TICRR: variants seen among roughly 807,000 people sequenced by gnomAD.
TICRR encodes the protein treslin.
TICRR carries 132 observed loss-of-function variants against 178.1 expected under a neutral mutation model. That is an observed-to-expected ratio of 0.74 (90% CI 0.64 to 0.86). TICRR has a LOEUF of 0.86. Among genes scored for constraint, TICRR ranks in the 40% least tolerant of loss-of-function variants. The probability of loss-of-function intolerance (pLI) is 0.00; values close to 1 mark genes in which losing one functional copy is unlikely to be tolerated. For missense variants in TICRR, 2,587 were observed against 2,334.3 expected (o/e 1.11, Z -2.23); for synonymous variants, 991 against 900.7 (o/e 1.10, Z -1.79).
chr15:89,582,986 GGT>G (rs1491393973), intron 2 of TICRR, 21 bp downstream of exon 2: 2 of 1,556,320 alleles, frequency 1.3e-6, no homozygotes, highest in Admixed American at 4.2e-5. Flanking sequence ...AATATTTTAA[GGT>G]TTTTTTTTTT....
intron 8 of TICRR, 61 bp downstream of exon 8, chr15:89,599,536 G>C: frequency 6.5e-7 from 1 of 1,542,312 alleles, no homozygotes; most frequent in Non-Finnish European, 8.8e-7. Flanking sequence ...TTGGTTGGTG[G>C]TGGATTTGGT....
chr15:89,625,480 G>C lies in TICRR; in HGVS notation c.5170G>C (p.Gly1724Arg). The C allele has an allele frequency of 6.2e-7, 1 of 1,613,982 alleles. No individual in the cohort carries two copies. The highest frequency in any genetic ancestry group is 8.5e-7 in the Non-Finnish European group (1 of 1,180,020). The change falls in exon 20 of 22, where the codon GGC (glycine) becomes CGC (arginine). Residue 1724 changes from glycine to arginine, a missense_variant. By Grantham distance (125) the Gly-to-Arg change is moderately radical. Coordinates refer to ENST00000268138, the MANE Select transcript of TICRR (RefSeq NM_152259.4). ...GCTTGAGTCAGAGGGCAAGGACCAC[G>C]GCCTTGAACTCAGCATCCACAGGAC... ...SLLESEGKDH[G>R]LELSIHRTPI...
Position 89,600,697 on chromosome 15 carries a change from C to A in TICRR, c.2153+12C>A, listed in dbSNP as rs759581915. The A allele has an allele frequency of 7.6e-7, 1 of 1,313,114 alleles. No homozygotes were observed. Among genetic ancestry groups the A allele is most frequent in the South Asian group, 1.3e-5 (1 of 76,338 alleles). 81.3% of individuals were successfully genotyped at this position (1,313,114 alleles called of 1,614,324 possible). On this transcript the variant is annotated intron_variant, in intron 9 of 21. Transcript: ENST00000268138. The stretch of plus-strand genomic sequence containing the variant: ...GACAAAGTTAGAGAGTAAGTAACTA[C>A]CATTTTTTAAAAAATCATCACTCTA...
chr15:89,610,531 A>C (rs376613905), intron 15 of TICRR, among the ~76,000 whole-genome samples: 1 of 152,182 alleles, frequency 6.6e-6, no homozygotes, highest in Non-Finnish European at 1.5e-5. Context: ...CCCACCCACC[A>C]GCTCTTTTGC....
chr15:89,598,943 G>T (rs561625022), intron 7 of TICRR, among the ~76,000 whole-genome samples: 1 of 152,260 alleles, frequency 6.6e-6, no homozygotes, highest in South Asian at 2.1e-4. Flanking sequence ...CCTGGGAGGT[G>T]GAGGTTGTGG....
chr15:89,621,313 G>A, intron 18 of TICRR, 80 bp from the exon 19 acceptor site: 1 of 1,422,466 alleles, frequency 7.0e-7, no homozygotes, highest in South Asian at 1.4e-5. Flanking sequence ...GAGCCACCAT[G>A]CGTGGCTGGC....
chr15:89,598,316 C>G (rs941387699), intron 7 of TICRR, among the ~76,000 whole-genome samples: 3 of 151,970 alleles, frequency 2.0e-5, no homozygotes, highest in African/African-American at 7.2e-5. Context: ...ATTTTCTAAT[C>G]ATGTCATATC....
Position 89,626,967 on chromosome 15 carries a change from G to T in TICRR, c.5614G>T (p.Asp1872Tyr), listed in dbSNP as rs775210281. 3.7e-6 allele frequency: 6 copies of T among 1,613,914 alleles called. No individual in the cohort carries two copies. In the East Asian group the frequency reaches 1.3e-4, roughly 36 times the overall value. ...QSKDPRDEDV[D>Y]VLPSTVEDSP... ...CTACCTTCTTCTAGATGAGGATGTG[G>T]ATGTTCTTCCCTCCACTGTAGAAGA... Residue 1872 changes from aspartate to tyrosine, a missense_variant, in exon 22 of 22, where the codon GAT (aspartate) becomes TAT (tyrosine). Transcript: ENST00000268138.
At chr15:89,618,747 C>G (rs934346690) in intron 17 of TICRR, among the ~76,000 whole-genome samples, 3 of 152,086 alleles carry the variant, frequency 2.0e-5, no homozygotes, top group African/African-American at 7.2e-5. Context: ...GATCACTGGC[C>G]AGGAGTTTGA....
chr15:89,583,972 G>A (rs1962775201), intron 2 of TICRR, among the ~76,000 whole-genome samples: 1 of 152,172 alleles, frequency 6.6e-6, no homozygotes, highest in African/African-American at 2.4e-5. Context: ...GCAGGCATGA[G>A]CCACCGTGCC....
At chr15:89,600,069 G>A (rs1963068406) in intron 8 of TICRR, among the ~76,000 whole-genome samples, 1 of 152,194 alleles carries the variant, frequency 6.6e-6, no homozygotes, top group African/African-American at 2.4e-5. Flanking sequence ...TCGTACCATT[G>A]CACTTCAGCC....
At position 89,576,130 on chromosome 15, in the gene TICRR, C is replaced by A; in HGVS notation, c.544C>A (p.Pro182Thr). 1 of 1,609,502 alleles carries A rather than the reference C, an allele frequency of 6.2e-7. No individual in the cohort carries two copies. The change falls in exon 1 of 22, where the codon CCG becomes ACG. Residue 182 changes from proline to threonine, a missense_variant. Coordinates refer to ENST00000268138, the MANE Select transcript of TICRR (RefSeq NM_152259.4). The part of the protein sequence containing the change: ...SGCEAQAQRL[P>T]PTPKQVMEKL... ...GTGCGAGGCCCAGGCCCAGCGCCTG[C>A]CGCCCACCCCTAAGCAGGTGATGGA...
At chr15:89,584,875 GA>G (rs1327471494) in intron 3 of TICRR, among the ~76,000 whole-genome samples, 1 of 152,108 alleles carries the variant, frequency 6.6e-6, no homozygotes, top group Non-Finnish European at 1.5e-5. Context: ...AAGTATTTAA[GA>G]AAAAGCTGCT....
chr15:89,590,330 C>G (rs2141957567), intron 4 of TICRR, among the ~76,000 whole-genome samples: 1 of 152,264 alleles, frequency 6.6e-6, no homozygotes, highest in East Asian at 1.9e-4. Context: ...ATCACATAAC[C>G]AAAGCAACGT....
chr15:89,583,184 A>G (rs1962761366), intron 2 of TICRR, among the ~76,000 whole-genome samples: 3 of 152,194 alleles, frequency 2.0e-5, no homozygotes, highest in African/African-American at 7.2e-5. Context: ...ACAAAAAAAC[A>G]AGTGAATGAT....
rs1009236317 is a variant in TICRR at position 89,576,138 on chromosome 15, C to A, written c.552C>A (p.Thr184=). ...CEAQAQRLPP[T]PKQVMEKLLP... ...CCCAGGCCCAGCGCCTGCCGCCCAC[C>A]CCTAAGCAGGTGATGGAGAAGTTGT... Residue 184 remains threonine (T), a synonymous_variant, in exon 1 of 22, where the codon ACC becomes ACA. Transcript: ENST00000268138. 6.8e-6 allele frequency: 11 copies of A among 1,608,616 alleles called. No homozygotes were observed. The highest frequency in any genetic ancestry group is 1.3e-5 in the African/African-American group (1 of 75,054).
Position 89,619,689 on chromosome 15 carries a change from T to G in TICRR, c.3020-19T>G. The G allele has an allele frequency of 6.3e-7, 1 of 1,596,206 alleles. No individual in the cohort carries two copies. Among genetic ancestry groups the G allele is most frequent in the Non-Finnish European group, 8.5e-7 (1 of 1,173,320 alleles). ...CTTGTAGTTGTCTTTGGTTACTTAC[T>G]GTGGTTCTGATTTTACAGAAATAAG... On this transcript the variant is annotated intron_variant, in intron 17 of 21. Coordinates refer to ENST00000268138, the MANE Select transcript of TICRR (RefSeq NM_152259.4).
chr15:89,617,038 G>C (rs79880005), intron 16 of TICRR, among the ~76,000 whole-genome samples: 1 of 152,160 alleles, frequency 6.6e-6, no homozygotes, highest in African/African-American at 2.4e-5. Flanking sequence ...CAGTCTAGGG[G>C]TGTAGGCAGC....
chr15:89,597,736 T>G (rs1323424505), intron 7 of TICRR, among the ~76,000 whole-genome samples: 1 of 152,176 alleles, frequency 6.6e-6, no homozygotes, highest in African/African-American at 2.4e-5. Context: ...CTTTCGCCTC[T>G]TCATATAAAC....
Sources: allele counts gnomAD v4.1 joint callset (sites outside exome capture counted in the v4.1 genomes callset), GRCh38; gene constraint gnomAD v4.1.1; transcripts MANE v1.5; gene names NCBI Gene and HGNC (gene_info 2026-07-23, HGNC 2026-07-21).